The following SLC24A3 variants were observed in gnomAD, a reference collection of about 807,000 sequenced individuals.
SLC24A3 encodes the protein solute carrier family 24 member 3.
A neutral mutation model predicts 75.8 loss-of-function variants in SLC24A3; 28 were observed. The observed-to-expected ratio is 0.37, with a 90% confidence interval of 0.27 to 0.51. SLC24A3 has a LOEUF of 0.51. Ranked by LOEUF, SLC24A3 falls within the 20% of genes least tolerant of loss-of-function variation. The probability of loss-of-function intolerance (pLI) is 0.94; values close to 1 mark genes in which losing one functional copy is unlikely to be tolerated. For synonymous variants in SLC24A3, 372 were observed against 334.1 expected (o/e 1.11, Z -1.24); for missense variants, 663 against 847.8 (o/e 0.78, Z 2.71).
intron 3 of SLC24A3, among the ~76,000 whole-genome samples, chr20:19,528,379 T>C (rs1344771677): frequency 6.6e-6 from 1 of 152,160 alleles, no homozygotes; most frequent in Non-Finnish European, 1.5e-5. Flanking sequence ...TTCCCATCTC[T>C]TTACCTTTGG....
At chr20:19,591,857 G>A (rs561367651) in intron 6 of SLC24A3, among the ~76,000 whole-genome samples, 9 of 152,210 alleles carry the variant, frequency 5.9e-5, no homozygotes, top group Admixed American at 3.9e-4. Flanking sequence ...GTGCACTATC[G>A]TGTGCTGCCT....
chr20:19,663,776 C>T (rs1600328188), intron 7 of SLC24A3, among the ~76,000 whole-genome samples: 2 of 152,200 alleles, frequency 1.3e-5, no homozygotes, highest in Admixed American at 6.5e-5. Context: ...CACTGTTTCT[C>T]TGATTATTGT....
chr20:19,642,568 C>G (rs1339949288), intron 6 of SLC24A3, among the ~76,000 whole-genome samples: 2 of 152,294 alleles, frequency 1.3e-5, no homozygotes, highest in East Asian at 1.9e-4. Context: ...TCTCCCTTGT[C>G]TCAGCCTTCT....
rs189453498 is a variant in SLC24A3 at position 19,580,190 on chromosome 20, G to A, written c.423+116G>A. Reference sequence around the variant, plus strand: ...GGAGCCCTCGCAGGGCAGCTGCAGCGGGAACACCAGGCATCACCATGTTTG... The same window carrying A: ...GGAGCCCTCGCAGGGCAGCTGCAGCAGGAACACCAGGCATCACCATGTTTG... On this transcript the variant is annotated intron_variant, in intron 4 of 16. Transcript: ENST00000328041. 250 of 747,936 alleles carry A rather than the reference G, an allele frequency of 3.3e-4. No homozygotes were observed. The African/African-American group carries it at 3.7e-3, about 11-fold the overall frequency. 46.3% of individuals were successfully genotyped at this position (747,936 alleles called of 1,614,324 possible).
intron 3 of SLC24A3, among the ~76,000 whole-genome samples, chr20:19,568,423 A>G (rs1015563775): frequency 6.6e-5 from 10 of 152,242 alleles, no homozygotes; most frequent in Non-Finnish European, 2.9e-5. Flanking sequence ...AATATTATTC[A>G]GCCTTATAAA....
intron 6 of SLC24A3, among the ~76,000 whole-genome samples, chr20:19,641,840 G>A (rs974783963): frequency 6.6e-6 from 1 of 152,182 alleles, no homozygotes; most frequent in Non-Finnish European, 1.5e-5. Context: ...CTCCCTGAAA[G>A]AGTTTGATTC....
chr20:19,456,012 A>G (rs1358574861), intron 2 of SLC24A3, among the ~76,000 whole-genome samples: 2 of 152,224 alleles, frequency 1.3e-5, no homozygotes, highest in Non-Finnish European at 2.9e-5. Flanking sequence ...GGGGAAGGTA[A>G]GGTAAGTACA....
chr20:19,367,747 C>T (rs985084262), intron 2 of SLC24A3, among the ~76,000 whole-genome samples: 1 of 152,154 alleles, frequency 6.6e-6, no homozygotes, highest in Non-Finnish European at 1.5e-5. Flanking sequence ...GGTGGGGAGG[C>T]TCATGAAACA....
intron 3 of SLC24A3, among the ~76,000 whole-genome samples, chr20:19,535,679 A>G (rs1270381879): frequency 6.6e-6 from 1 of 152,214 alleles, no homozygotes; most frequent in Non-Finnish European, 1.5e-5. Flanking sequence ...TTGAGAGAGA[A>G]GAACTGGGGT....
At chr20:19,603,967 T>C (rs1224691649) in intron 6 of SLC24A3, among the ~76,000 whole-genome samples, 1 of 152,166 alleles carries the variant, frequency 6.6e-6, no homozygotes, top group African/African-American at 2.4e-5. Context: ...GCTCCCATGC[T>C]ACTACATCAT....
In SLC24A3 at chr20:19,223,124, C is replaced by G. The variant is rs1333545252; in HGVS notation, c.142+10140C>G. ...CCTGTCCAACCTGGTGAAACCCTGT[C>G]TCTACTAAAAATACAAAATTAACTG... On this transcript the variant is annotated intron_variant, in intron 1 of 16. Coordinates refer to ENST00000328041, the MANE Select transcript of SLC24A3 (RefSeq NM_020689.4). Among the ~76,000 whole-genome samples, 5 of 152,058 alleles carry G rather than the reference C, an allele frequency of 3.3e-5. No individual in the cohort carries two copies. The East Asian group carries it at 9.7e-4, about 29-fold the overall frequency.
chr20:19,311,942 C>G (rs2122262218), intron 2 of SLC24A3, among the ~76,000 whole-genome samples: 1 of 152,200 alleles, frequency 6.6e-6, no homozygotes, highest in South Asian at 2.1e-4. Flanking sequence ...CCCATGCGCC[C>G]TTCCTCTTTC....
chr20:19,711,884 C>T (rs926394924), intron 15 of SLC24A3, among the ~76,000 whole-genome samples: 10 of 152,130 alleles, frequency 6.6e-5, no homozygotes, highest in African/African-American at 9.7e-5. Flanking sequence ...GTGATCTGCC[C>T]GCTTTGGCCT....
chr20:19,390,137 G>A (rs1438015289), intron 2 of SLC24A3, among the ~76,000 whole-genome samples: 2 of 152,162 alleles, frequency 1.3e-5, no homozygotes, highest in Non-Finnish European at 2.9e-5. Context: ...TTATTTAGTT[G>A]TCTGTTATCT....
chr20:19,253,082 G>C (rs886624429), intron 1 of SLC24A3, among the ~76,000 whole-genome samples: 1 of 152,172 alleles, frequency 6.6e-6, no homozygotes, highest in Non-Finnish European at 1.5e-5. Context: ...GTGCCCCCAG[G>C]CAACAGACGG....
At position 19,281,057 on chromosome 20, in the gene SLC24A3, C is replaced by G; in HGVS notation, c.241C>G (p.Leu81Val). The G allele has an allele frequency of 1.2e-5, 19 of 1,614,178 alleles. No individual in the cohort carries two copies. Among genetic ancestry groups the G allele is most frequent in the Non-Finnish European group, 1.6e-5 (19 of 1,180,010 alleles). The change falls in exon 2 of 17, where the codon CTC becomes GTC. Residue 81 changes from leucine to valine, a missense_variant. Around this residue, in one of 2 missense-constraint regions of SLC24A3, gnomAD observed 153 missense variants for 144.2 expected, o/e 1.06. Coordinates refer to ENST00000328041, the MANE Select transcript of SLC24A3 (RefSeq NM_020689.4). ...CACTCTGACTTCCGAAGATGCCGGACTCCGGAACAGCAAGAACTGCACCGA... is the reference window on the plus strand; with the variant it reads ...CACTCTGACTTCCGAAGATGCCGGAGTCCGGAACAGCAAGAACTGCACCGA... ...NDTLTSEDAG[L>V]RNSKNCTEPA... is the part of the protein sequence containing the mutation.
intron 16 of SLC24A3, 63 bp from the exon 17 acceptor site, chr20:19,720,928 A>G: frequency 1.3e-6 from 2 of 1,591,018 alleles, no homozygotes; most frequent in Non-Finnish European, 1.7e-6. Context: ...GGGTTCCCCT[A>G]CCAACCCCCC....
chr20:19,654,402 A>C (rs1469780278), intron 7 of SLC24A3, among the ~76,000 whole-genome samples: 2 of 151,956 alleles, frequency 1.3e-5, no homozygotes, highest in East Asian at 3.9e-4. Flanking sequence ...CCTCGTGAGC[A>C]TGGCTCTTCT....
chr20:19,310,313 T>A (rs1984429342), intron 2 of SLC24A3, among the ~76,000 whole-genome samples: 1 of 152,160 alleles, frequency 6.6e-6, no homozygotes, highest in Admixed American at 6.5e-5. Context: ...ACCAGGAAAA[T>A]GCACTGAGTC....
Sources: gnomAD v4.1 joint callset for allele counts (sites outside exome capture counted in the v4.1 genomes callset) on GRCh38, gnomAD v4.1.1 for gene constraint, gnomAD v4.1.1 regional missense constraint, MANE v1.5 for transcripts, NCBI Gene and HGNC (gene_info 2026-07-23, HGNC 2026-07-21) for gene names.